SNX29: variants seen among roughly 807,000 people sequenced by gnomAD.
SNX29 encodes the protein sorting nexin 29, also known as sorting nexin-29.
SNX29 carries 78 observed loss-of-function variants against 102.1 expected under a neutral mutation model. That is an observed-to-expected ratio of 0.76 (90% CI 0.64 to 0.92). The LOEUF (loss-of-function observed/expected upper bound fraction) is 0.92. SNX29 is among the 40% of genes least tolerant of loss of function. The probability of loss-of-function intolerance (pLI) is 0.00; values close to 1 mark genes in which losing one functional copy is unlikely to be tolerated. For missense variants in SNX29, 1,280 were observed against 1,061.7 expected (o/e 1.21, Z -2.86); for synonymous variants, 580 against 414.5 (o/e 1.40, Z -4.85).
chr16:12,532,635 C>T (rs2076962615), intron 20 of SNX29, among the ~76,000 whole-genome samples: 1 of 152,142 alleles, frequency 6.6e-6, no homozygotes, highest in African/African-American at 2.4e-5. Context: ...ATGCGATTTC[C>T]TGATATAAAA....
intron 16 of SNX29, among the ~76,000 whole-genome samples, chr16:12,365,928 G>C (rs555402362): frequency 1.2e-4 from 18 of 150,418 alleles, no homozygotes; most frequent in African/African-American, 4.1e-4. Flanking sequence ...TGTAGTCCCA[G>C]CTACTCGGGA....
At chr16:12,216,720 A>T (rs1254256372) in intron 14 of SNX29, among the ~76,000 whole-genome samples, 1 of 63,644 alleles carries the variant, frequency 1.6e-5, no homozygotes. Context: ...TCCCCACCCC[A>T]CCCACCCCTA....
intron 16 of SNX29, among the ~76,000 whole-genome samples, chr16:12,388,892 G>T (rs2083429029): frequency 6.6e-6 from 1 of 152,192 alleles, no homozygotes; most frequent in African/African-American, 2.4e-5. Flanking sequence ...AACAGGAAAG[G>T]CAGGTGCCTT....
chr16:12,343,699 G>T (rs8051010), intron 15 of SNX29, among the ~76,000 whole-genome samples: 5 of 150,828 alleles, frequency 3.3e-5, no homozygotes, highest in African/African-American at 7.4e-5. Context: ...CCACGAGATA[G>T]GGAGCTCTGT....
At chr16:11,979,780 C>T (rs1424135585) in intron 1 of SNX29, among the ~76,000 whole-genome samples, 3 of 151,956 alleles carry the variant, frequency 2.0e-5, no homozygotes, top group Admixed American at 6.6e-5. Context: ...GATGGAGTTT[C>T]GCTGTGTTGG....
chr16:12,136,871 CT>C (rs1219511261), intron 13 of SNX29, among the ~76,000 whole-genome samples: 1 of 152,192 alleles, frequency 6.6e-6, no homozygotes, highest in African/African-American at 2.4e-5. Context: ...TCCTGAGTAG[CT>C]GGGATTACAG....
chr16:12,409,271 C>T (rs561002960), intron 18 of SNX29, among the ~76,000 whole-genome samples: 7 of 152,262 alleles, frequency 4.6e-5, no homozygotes, highest in African/African-American at 1.4e-4. Flanking sequence ...TTCTCTTTCT[C>T]TTGTTAACAC....
At chr16:12,117,361 C>T (rs2053774344) in intron 11 of SNX29, among the ~76,000 whole-genome samples, 1 of 132,112 alleles carries the variant, frequency 7.6e-6, no homozygotes, top group Non-Finnish European at 1.6e-5. Flanking sequence ...GTGGTCAATA[C>T]GTGCTTCAGT....
chr16:12,400,793 A>G (rs1041112424), intron 17 of SNX29, among the ~76,000 whole-genome samples: 6 of 152,156 alleles, frequency 3.9e-5, no homozygotes, highest in Non-Finnish European at 8.8e-5. Context: ...GCTCTACAAT[A>G]AGACTTGACT....
Position 12,356,152 on chromosome 16 carries a change from T to C in SNX29, c.1783-11T>C. 1 of 1,609,926 alleles carries C rather than the reference T, an allele frequency of 6.2e-7. No individual in the cohort carries two copies. Among genetic ancestry groups the C allele is most frequent in the South Asian group, 1.1e-5 (1 of 90,084 alleles). The stretch of plus-strand genomic sequence containing the variant: ...GCCTCTAAGCCTCACCTTTCCGTGC[T>C]TGTGTTCCAGGTGGCAGAGATGCAT... On this transcript the variant is annotated splice_polypyrimidine_tract_variant and intron_variant, in intron 15 of 20. Transcript: ENST00000566228.
At chr16:12,273,479 C>A (rs2079153122) in intron 14 of SNX29, among the ~76,000 whole-genome samples, 1 of 151,962 alleles carries the variant, frequency 6.6e-6, no homozygotes, top group Non-Finnish European at 1.5e-5. Context: ...ATGCCTCAGC[C>A]TCCCGAGTAG....
At chr16:12,481,115 T>TC (rs1480848506) in intron 19 of SNX29, among the ~76,000 whole-genome samples, 2 of 151,980 alleles carry the variant, frequency 1.3e-5, no homozygotes, top group Non-Finnish European at 2.9e-5. Flanking sequence ...TGTGCTTTTA[T>TC]CCCCCCAACA....
intron 18 of SNX29, among the ~76,000 whole-genome samples, chr16:12,471,582 C>T (rs1158769963): frequency 6.6e-6 from 1 of 152,206 alleles, no homozygotes; most frequent in East Asian, 1.9e-4. Context: ...TGGATGTGTA[C>T]CCACAGAGCC....
chr16:12,050,822 C>T (rs1237841383), intron 7 of SNX29, among the ~76,000 whole-genome samples: 5 of 152,146 alleles, frequency 3.3e-5, no homozygotes, highest in African/African-American at 9.7e-5. Flanking sequence ...AGAAATTCTC[C>T]TGCCTCAGCC....
chr16:12,164,213 G>T (rs890184044), intron 13 of SNX29, among the ~76,000 whole-genome samples: 4 of 152,260 alleles, frequency 2.6e-5, no homozygotes, highest in Admixed American at 2.6e-4. Flanking sequence ...TGAGTGTGGG[G>T]TATGGAAGAA....
intron 20 of SNX29, among the ~76,000 whole-genome samples, chr16:12,549,825 A>G (rs1452109015): frequency 6.6e-6 from 1 of 152,260 alleles, no homozygotes; most frequent in Non-Finnish European, 1.5e-5. Flanking sequence ...CTGTGTGGCC[A>G]GGCCTTGCCT....
At chr16:12,545,252 T>G (rs2077537659) in intron 20 of SNX29, among the ~76,000 whole-genome samples, 1 of 152,186 alleles carries the variant, frequency 6.6e-6, no homozygotes. Context: ...CTCAAGTGGC[T>G]CCAAAGAGTA....
At chr16:12,217,305 C>T (rs1480262738) in intron 14 of SNX29, among the ~76,000 whole-genome samples, 13 of 152,212 alleles carry the variant, frequency 8.5e-5, no homozygotes, top group African/African-American at 1.4e-4. Flanking sequence ...TAGGCGTGAG[C>T]CACCATGCCC....
At chr16:12,315,190 G>A (rs1417953522) in intron 15 of SNX29, among the ~76,000 whole-genome samples, 2 of 152,184 alleles carry the variant, frequency 1.3e-5, no homozygotes, top group African/African-American at 4.8e-5. Flanking sequence ...GTGGCCAGGT[G>A]CATTGGACCG....
Sources: allele counts gnomAD v4.1 joint callset (sites outside exome capture counted in the v4.1 genomes callset), GRCh38; gene constraint gnomAD v4.1.1; transcripts MANE v1.5; gene names NCBI Gene and HGNC (gene_info 2026-07-23, HGNC 2026-07-21).